The following SHISA5 variants were observed in gnomAD, a reference collection of about 807,000 sequenced individuals.
SHISA5 encodes protein shisa-5.
A neutral mutation model predicts 27.5 loss-of-function variants in SHISA5; 21 were observed. The observed-to-expected ratio is 0.76, with a 90% CI of 0.54 to 1.10. The LOEUF is 1.10. SHISA5 is among the 50% of genes least tolerant of loss of function. The pLI is 0.00. For missense variants in SHISA5, 314 were observed against 336.3 expected (o/e 0.93, Z 0.52); for synonymous variants, 137 against 142.2 (o/e 0.96, Z 0.26).
At chr3:48,501,334 C>T in intron 1 of SHISA5, 41 bp from the exon 2 acceptor site, 1 of 1,598,766 alleles carries the variant, frequency 6.3e-7, no homozygotes, top group South Asian at 1.1e-5. Flanking sequence ...TGCCCACGGG[C>T]CAGGCCCCAG....
chr3:48,475,624 T>C (rs1415003181), intron 3 of SHISA5, among the ~76,000 whole-genome samples: 1 of 152,142 alleles, frequency 6.6e-6, no homozygotes, highest in East Asian at 1.9e-4. Context: ...CCTCGCCTAA[T>C]GGGCCTCTCT....
chr3:48,493,507 A>G (rs1447575926), intron 2 of SHISA5, among the ~76,000 whole-genome samples: 1 of 140,210 alleles, frequency 7.1e-6, no homozygotes, highest in Non-Finnish European at 1.5e-5. Flanking sequence ...TTCCTTAGAA[A>G]TGGCCATGAT....
intron 2 of SHISA5, among the ~76,000 whole-genome samples, chr3:48,491,340 G>C (rs1327560232): frequency 6.6e-6 from 1 of 151,970 alleles, no homozygotes; most frequent in East Asian, 1.9e-4. Flanking sequence ...GGATGGTCTC[G>C]ATCTCCTGAC....
intron 2 of SHISA5, among the ~76,000 whole-genome samples, chr3:48,485,434 G>A (rs987311985): frequency 6.6e-6 from 1 of 150,698 alleles, no homozygotes; most frequent in Non-Finnish European, 1.5e-5. Context: ...GGTGGAGGTT[G>A]CAGTGAGCCA....
rs1287136005 is a variant in SHISA5 at position 48,485,606 on chromosome 3, GTATT to G, written c.234-6353_234-6350del. 2.1e-5 allele frequency among the ~76,000 whole-genome samples: 3 copies of G among 141,542 alleles called. No individual in the cohort carries two copies. In the East Asian group the frequency reaches 5.9e-4, roughly 28 times the overall value. The allele number at this position is 141,542 out of a possible 152,430, so 92.9% of individuals were successfully genotyped here. A position where few individuals can be genotyped will look rare whatever the true frequency, so the allele number is the denominator to read the frequency against. ...TTAATATAAGATAATATAAGAATAT[GTATT>G]TATATATAATATATAGATATTATAT... On this transcript the variant is annotated intron_variant, in intron 2 of 5. Transcript: ENST00000296444.
In SHISA5 at chr3:48,468,547, C is replaced by CCAAAGGAT; in HGVS notation, c.*552_*559dup. On this transcript the variant is annotated 3_prime_UTR_variant, in exon 6 of 6. Coordinates refer to ENST00000296444, the MANE Select transcript of SHISA5 (RefSeq NM_016479.6). ...CTCCAGGGAGCAATGGGACATCTGC[C>CCAAAGGAT]CAAAGGATCAAAGTCCAACTTGGCC... The CCAAAGGAT allele has an allele frequency of 8.4e-7, 1 of 1,188,936 alleles. No homozygotes were observed. The highest frequency in any genetic ancestry group is 1.1e-6 in the Non-Finnish European group (1 of 942,676). The allele number at this position is 1,188,936 out of a possible 1,614,324, so 73.6% of individuals were successfully genotyped here.
intron 2 of SHISA5, among the ~76,000 whole-genome samples, chr3:48,484,826 G>C (rs543950502): frequency 6.6e-6 from 1 of 152,256 alleles, no homozygotes; most frequent in East Asian, 1.9e-4. Context: ...CCAGAAGGCA[G>C]AGGTTGCAGT....
rs1289462194 is a variant in SHISA5, at chr3:48,503,455, TG to T, written c.76+563del. On this transcript the variant is annotated intron_variant, in intron 1 of 5. Coordinates refer to ENST00000296444, the MANE Select transcript of SHISA5 (RefSeq NM_016479.6). ...GGCTTCCCATGGGTGGGCAGGGGATTGTTCCAATTCCTAACCCTTTAAAGGA... is the reference window on the plus strand; with the variant it reads ...GGCTTCCCATGGGTGGGCAGGGGATTTTCCAATTCCTAACCCTTTAAAGGA... Among the ~76,000 whole-genome samples the T allele has an allele frequency of 3.3e-5, 5 of 152,270 alleles. No individual in the cohort carries two copies. In the East Asian group the frequency reaches 9.7e-4, roughly 29 times the overall value.
At chr3:48,478,117 G>A (rs2040882068) in intron 3 of SHISA5, among the ~76,000 whole-genome samples, 1 of 152,222 alleles carries the variant, frequency 6.6e-6, no homozygotes, top group Admixed American at 6.5e-5. Flanking sequence ...ATCTCCCACG[G>A]GGCCATCTGA....
At chr3:48,503,321 A>G (rs2041809090) in intron 1 of SHISA5, 1 of 490,878 alleles carries the variant, frequency 2.0e-6, no homozygotes, top group South Asian at 1.6e-5. Context: ...GATTCTGGGC[A>G]CAAGTCTCCC....
intron 2 of SHISA5, among the ~76,000 whole-genome samples, chr3:48,494,365 T>G (rs2041497413): frequency 2.1e-5 from 3 of 143,910 alleles, no homozygotes; most frequent in African/African-American, 5.7e-5. Flanking sequence ...TGGCATGATC[T>G]CAGCTCACTG....
chr3:48,480,713 C>T (rs2040981177), intron 2 of SHISA5, among the ~76,000 whole-genome samples: 1 of 152,010 alleles, frequency 6.6e-6, no homozygotes, highest in African/African-American at 2.4e-5. Context: ...AAGCTCAGAT[C>T]ACGTCACTGC....
intron 2 of SHISA5, among the ~76,000 whole-genome samples, chr3:48,491,050 G>T (rs949373091): frequency 6.6e-6 from 1 of 151,934 alleles, no homozygotes; most frequent in African/African-American, 2.4e-5. Flanking sequence ...TCACTTATAG[G>T]CTAGAAGCTC....
chr3:48,503,122 C>G (rs1003489975), intron 1 of SHISA5: 39 of 1,289,734 alleles, frequency 3.0e-5, no homozygotes, highest in Non-Finnish European at 3.8e-5. Context: ...CAGCATGGCC[C>G]GTGCCTGGTG....
At chr3:48,494,483 C>A (rs1445145645) in intron 2 of SHISA5, among the ~76,000 whole-genome samples, 1 of 146,506 alleles carries the variant, frequency 6.8e-6, no homozygotes, top group Non-Finnish European at 1.5e-5. Context: ...TTAGTAGAAA[C>A]GTGGTTTCAC....
chr3:48,475,621 T>C (rs1029962690), intron 3 of SHISA5, among the ~76,000 whole-genome samples: 5 of 152,174 alleles, frequency 3.3e-5, no homozygotes, highest in African/African-American at 9.7e-5. Flanking sequence ...ACACCTCGCC[T>C]AATGGGCCTC....
In SHISA5 at chr3:48,469,635, G is replaced by A. The variant is rs967164098; in HGVS notation, c.431-62C>T. 3.1e-6 allele frequency: 5 copies of A among 1,592,724 alleles called. No individual in the cohort carries two copies. In the African/African-American group the frequency reaches 4.0e-5, roughly 13 times the overall value. ...TCCCCAGGTCTTGAGAGCCAGGCTTGCCACCCATCCCTCCAGCTTAGCCAA... is the reference window on the plus strand; with the variant it reads ...TCCCCAGGTCTTGAGAGCCAGGCTTACCACCCATCCCTCCAGCTTAGCCAA... On this transcript the variant is annotated intron_variant, in intron 4 of 5. Coordinates refer to ENST00000296444, the MANE Select transcript of SHISA5 (RefSeq NM_016479.6). The surrounding 1 kb of genome is among the most constrained non-coding windows in gnomAD (Gnocchi z 4.6).
At position 48,468,964 on chromosome 3, in the gene SHISA5, C is replaced by T. The variant is rs2040469772; in HGVS notation, c.*143G>A. 1 of 1,583,092 alleles carries T rather than the reference C, an allele frequency of 6.3e-7. No homozygotes were observed. Among genetic ancestry groups the T allele is most frequent in the Admixed American group, 1.8e-5 (1 of 55,948 alleles). ...CATCAGAGGAAGCCACATATACAGG[C>T]AGGACACACACAGCACACATGGGGC... On this transcript the variant is annotated 3_prime_UTR_variant, in exon 6 of 6. Coordinates refer to ENST00000296444, the MANE Select transcript of SHISA5 (RefSeq NM_016479.6).
intron 3 of SHISA5, chr3:48,477,142 T>G: frequency 2.3e-6 from 1 of 428,742 alleles, no homozygotes; most frequent in Non-Finnish European, 4.6e-6. Flanking sequence ...ACCCTTCACA[T>G]GGATTCTCCA....
Sources: gnomAD v4.1 joint callset for allele counts (sites outside exome capture counted in the v4.1 genomes callset) on GRCh38, gnomAD v4.1.1 for gene constraint, Gnocchi (gnomAD v3.1) non-coding constraint, MANE v1.5 for transcripts, NCBI Gene and HGNC (gene_info 2026-07-23, HGNC 2026-07-21) for gene names.